SGCD: variants seen among roughly 807,000 people sequenced by gnomAD.
The protein encoded by SGCD is sarcoglycan delta.
SGCD carries 18 observed loss-of-function variants against 36.6 expected under a neutral mutation model. That is an observed-to-expected ratio of 0.49 (90% CI 0.34 to 0.73). SGCD has a LOEUF of 0.73. Among genes scored for constraint, SGCD ranks in the 30% least tolerant of loss-of-function variants. The probability of loss-of-function intolerance (pLI) is 0.01; values close to 1 mark genes in which losing one functional copy is unlikely to be tolerated. For synonymous variants in SGCD, 133 were observed against 130.6 expected, an observed-to-expected ratio of 1.02 and a Z score of -0.12; for missense variants, 387 against 346.7, an observed-to-expected ratio of 1.12 and a Z score of -0.92.
chr5:156,575,534 C>G (rs938852013), intron 4 of SGCD, among the ~76,000 whole-genome samples: 1 of 152,132 alleles, frequency 6.6e-6, no homozygotes, highest in African/African-American at 2.4e-5. Flanking sequence ...CTCAGTCTCC[C>G]CATGTATAAA....
intron 4 of SGCD, among the ~76,000 whole-genome samples, chr5:156,509,761 C>T (rs1375742727): frequency 6.6e-6 from 1 of 152,122 alleles, no homozygotes; most frequent in African/African-American, 2.4e-5. Context: ...CATACCTTGC[C>T]TTTGTTAACC....
At chr5:155,837,026 T>G in the SGCD span, among the ~76,000 whole-genome samples, 1 of 152,272 alleles carries the variant, frequency 6.6e-6, no homozygotes, top group Admixed American at 6.5e-5. Context: ...TTGTTTTGTT[T>G]CTGTTTGTTT....
rs927196473 is a variant in SGCD, at chr5:156,759,825, A to G, written c.*435A>G. ...CTTTTAGTGTCATTACGAGGGAGTG[A>G]TGGCGGGAATCTCAGTCGCACTCAA... On this transcript the variant is annotated 3_prime_UTR_variant, in exon 9 of 9. Transcript: ENST00000337851. 3 of 152,104 alleles carry G rather than the reference A, an allele frequency of 2.0e-5. No homozygotes were observed. The highest frequency in any genetic ancestry group is 4.4e-5 in the Non-Finnish European group (3 of 68,028). 9.4% of individuals were successfully genotyped at this position (152,104 alleles called of 1,614,324 possible). A position where few individuals can be genotyped will look rare whatever the true frequency, so the allele number is the denominator to read the frequency against.
At chr5:156,156,787 T>C (rs1762975192) in intron 3 of SGCD, among the ~76,000 whole-genome samples, 1 of 151,502 alleles carries the variant, frequency 6.6e-6, no homozygotes, top group Admixed American at 6.6e-5. Flanking sequence ...GACTTCTACT[T>C]GGGATTCCGC....
At chr5:156,410,520 A>G (rs1772682058) in intron 3 of SGCD, among the ~76,000 whole-genome samples, 1 of 152,200 alleles carries the variant, frequency 6.6e-6, no homozygotes, top group African/African-American at 2.4e-5. Context: ...TGAATCTAAA[A>G]TGAAAGTTGG....
intron 6 of SGCD, among the ~76,000 whole-genome samples, chr5:156,631,271 A>C (rs551533522): frequency 1.3e-5 from 2 of 152,142 alleles, no homozygotes; most frequent in African/African-American, 2.4e-5. Context: ...AAGCATGTGG[A>C]TTTACAGCCT....
chr5:156,748,024 G>A (rs542785045), intron 7 of SGCD, among the ~76,000 whole-genome samples: 2 of 152,202 alleles, frequency 1.3e-5, no homozygotes, highest in South Asian at 4.2e-4. Context: ...ACAAATCATG[G>A]TCTATTCATG....
At chr5:155,867,299 G>C (rs1180178105), upstream of SGCD, among the ~76,000 whole-genome samples, 1 of 152,104 alleles carries the variant, frequency 6.6e-6, no homozygotes, top group Admixed American at 6.5e-5. Context: ...ATACGGCAAA[G>C]ATAAAGCACT....
intron 4 of SGCD, among the ~76,000 whole-genome samples, chr5:156,568,240 C>T (rs192591291): frequency 1.1e-4 from 16 of 152,128 alleles, no homozygotes; most frequent in South Asian, 4.1e-4. Flanking sequence ...AGAAATTAGC[C>T]GGGCATGGTG....
At chr5:156,684,914 A>G (rs1753851171) in intron 7 of SGCD, among the ~76,000 whole-genome samples, 1 of 152,224 alleles carries the variant, frequency 6.6e-6, no homozygotes, top group African/African-American at 2.4e-5. Context: ...CTAGTAATCA[A>G]TAAAGCAGGA....
intron 3 of SGCD, among the ~76,000 whole-genome samples, chr5:156,209,637 A>G (rs1309206980): frequency 6.6e-6 from 1 of 152,160 alleles, no homozygotes; most frequent in Non-Finnish European, 1.5e-5. Context: ...ACTCCTGTAA[A>G]CCCAGGTTGC....
intron 1 of SGCD, among the ~76,000 whole-genome samples, chr5:156,071,738 G>A (rs866955147): frequency 3.9e-5 from 6 of 152,262 alleles, no homozygotes; most frequent in Middle Eastern, 3.4e-3. Flanking sequence ...GGGTGTTAAA[G>A]TCTCCCATTA....
intron 3 of SGCD, among the ~76,000 whole-genome samples, chr5:156,200,915 A>T (rs546421010): frequency 2.2e-4 from 34 of 152,314 alleles, no homozygotes; most frequent in African/African-American, 8.2e-4. Context: ...GCTTTAAAAC[A>T]GGAAGGACAT....
chr5:155,866,519 G>T (rs906248731), upstream of SGCD, among the ~76,000 whole-genome samples: 8 of 152,184 alleles, frequency 5.3e-5, no homozygotes, highest in Non-Finnish European at 8.8e-5. Flanking sequence ...GAGAACTGCT[G>T]CTGTATGTAA....
chr5:156,580,052 A>T (rs11135287), intron 4 of SGCD, among the ~76,000 whole-genome samples: 55,371 of 152,012 alleles, frequency 0.36, 12,510 homozygotes, highest in African/African-American at 0.65. Context: ...TGGCTGGTAC[A>T]GGTTGTTCCT....
chr5:155,899,182 A>G (rs1756332042), intron 1 of SGCD, among the ~76,000 whole-genome samples: 1 of 152,200 alleles, frequency 6.6e-6, no homozygotes, highest in Non-Finnish European at 1.5e-5. Flanking sequence ...TCTGATCATA[A>G]CTTCAGAGTG....
At chr5:156,004,415 T>C (rs183015661) in intron 1 of SGCD, among the ~76,000 whole-genome samples, 38 of 152,330 alleles carry the variant, frequency 2.5e-4, no homozygotes, top group African/African-American at 8.7e-4. Flanking sequence ...GAAACTGTGG[T>C]GTTCCTAGCA....
the SGCD span, among the ~76,000 whole-genome samples, chr5:155,798,005 G>C: frequency 3.3e-5 from 5 of 152,132 alleles, no homozygotes; most frequent in Admixed American, 6.5e-5. Flanking sequence ...TTGTTCAGTT[G>C]TTCCTCACCC....
At chr5:156,295,935 A>G (rs369109218) in intron 3 of SGCD, among the ~76,000 whole-genome samples, 135 of 152,344 alleles carry the variant, frequency 8.9e-4, no homozygotes, top group African/African-American at 3.2e-3. Flanking sequence ...AATCCCAGCT[A>G]GAGCATGCCT....
Sources: allele counts gnomAD v4.1 joint callset (sites outside exome capture counted in the v4.1 genomes callset), GRCh38; gene constraint gnomAD v4.1.1; transcripts MANE v1.5; gene names NCBI Gene and HGNC (gene_info 2026-07-23, HGNC 2026-07-21).